LTN1: variants seen among roughly 807,000 people sequenced by gnomAD.
LTN1 encodes the protein E3 ubiquitin-protein ligase listerin.
LTN1 carries 88 observed loss-of-function variants against 201.2 expected under a neutral mutation model. The ratio of observed to expected loss-of-function variants is 0.44; its 90% confidence interval spans 0.37 to 0.52. The LOEUF is 0.52. Ranked by LOEUF, LTN1 falls within the 20% of genes least tolerant of loss-of-function variation. LTN1 has a pLI of 0.00. For missense variants in LTN1, 1,752 were observed against 2,038.7 expected (o/e 0.86, Z 2.71); for synonymous variants, 645 against 713.5 (o/e 0.90, Z 1.53).
chr21:28,959,458 C>T lies in LTN1; in HGVS notation c.2593G>A (p.Asp865Asn). 1 of 1,611,832 alleles carries T rather than the reference C, an allele frequency of 6.2e-7. No homozygotes were observed. Among genetic ancestry groups the T allele is most frequent in the Non-Finnish European group, 8.5e-7 (1 of 1,178,566 alleles). ...AAACATTTGAGCAGTAGGCTATTAC[C>T]TGGCAAATGTGTTTTTTCTTTGCTC... Reference protein sequence around the residue: ...AQSKEKTHLPDFLICKLKNTW... With the variant: ...AQSKEKTHLPNFLICKLKNTW... The change falls in exon 13 of 30, where the codon GAT becomes AAT. Residue 865 changes from aspartate to asparagine, a missense_variant and splice_region_variant. Physicochemically the swap from Asp to Asn is conservative, Grantham distance 23. Around this residue, in one of 3 missense-constraint regions of LTN1, gnomAD observed 1,211 missense variants for 1,312.8 expected, o/e 0.92. Transcript: ENST00000361371.
chr21:28,942,313 C>A (rs1601168642), intron 24 of LTN1, among the ~76,000 whole-genome samples: 1 of 152,188 alleles, frequency 6.6e-6, no homozygotes, highest in Admixed American at 6.5e-5. Flanking sequence ...TATTTAACTT[C>A]TGCAATCAGC....
intron 6 of LTN1, among the ~76,000 whole-genome samples, chr21:28,975,990 T>C (rs1568854635): frequency 6.6e-6 from 1 of 152,170 alleles, no homozygotes; most frequent in Non-Finnish European, 1.5e-5. Flanking sequence ...TAGAGAGTAA[T>C]GCCTAGCTCC....
rs372568828 is a variant in LTN1 at position 28,946,449 on chromosome 21, C to T, written c.3488-162G>A. Among the ~76,000 whole-genome samples, 28 of 152,242 alleles carry T rather than the reference C, an allele frequency of 1.8e-4. 1 individual carries two copies. The East Asian group carries it at 5.4e-3, about 29-fold the overall frequency. ...AAGAGTCAACAAATGAGCTTATAAG[C>T]TCCAAAGGGCAGAGACCCTGTCTCC... On this transcript the variant is annotated intron_variant, in intron 19 of 29. Transcript: ENST00000361371.
At chr21:28,948,131 C>G (rs9977325) in intron 18 of LTN1, among the ~76,000 whole-genome samples, 124,456 of 124,456 alleles carry the variant, frequency 1, 62,228 homozygotes, top group Non-Finnish European at 1. Flanking sequence ...GGCAAAGGTT[C>G]CAGTAGCTTG....
intron 25 of LTN1, among the ~76,000 whole-genome samples, chr21:28,940,666 G>C (rs964825329): frequency 1.3e-5 from 2 of 151,978 alleles, no homozygotes; most frequent in African/African-American, 4.8e-5. Flanking sequence ...TGAAATAAAA[G>C]AACCTGGTGA....
intron 16 of LTN1, 70 bp from the exon 17 acceptor site, chr21:28,953,446 T>A: frequency 8.6e-7 from 1 of 1,159,818 alleles, no homozygotes; most frequent in South Asian, 1.6e-5. Context: ...CTTTCACTTC[T>A]CCACCTTGTT....
chr21:28,954,961 C>T (rs1462680624), intron 16 of LTN1, among the ~76,000 whole-genome samples: 7 of 152,124 alleles, frequency 4.6e-5, no homozygotes, highest in Non-Finnish European at 1.0e-4. Flanking sequence ...GCTTTCTGCA[C>T]AGCAAAAGAA....
Position 28,958,636 on chromosome 21 carries a change from T to A in LTN1, c.2594-97A>T, listed in dbSNP as rs929297570. On this transcript the variant is annotated intron_variant, in intron 13 of 29. Coordinates refer to ENST00000361371, the MANE Select transcript of LTN1 (RefSeq NM_015565.3). ...CAACTCTACAGATCTGAGATTTTTT[T>A]AAATACCATTTAAAAAAGAAAAATT... is the stretch of plus-strand genomic sequence containing the variant. The A allele has an allele frequency of 5.4e-5, 48 of 884,038 alleles. 1 individual carries two copies. Among genetic ancestry groups the A allele is most frequent in the Middle Eastern group, 3.1e-4 (1 of 3,266 alleles). The allele number at this position is 884,038 out of a possible 1,614,324, so 54.8% of individuals were successfully genotyped here.
chr21:28,943,222 A>G, intron 24 of LTN1, 40 bp downstream of exon 24: 3 of 1,253,196 alleles, frequency 2.4e-6, no homozygotes, highest in East Asian at 4.8e-5. Context: ...GAGATGGATT[A>G]TAAGAATTTA....
At chr21:28,965,169 T>C (rs986150933) in intron 11 of LTN1, among the ~76,000 whole-genome samples, 1 of 151,954 alleles carries the variant, frequency 6.6e-6, no homozygotes, top group South Asian at 2.1e-4. Context: ...ATTTAAAAAA[T>C]AGAAAAAAAC....
At chr21:28,948,665 T>C (rs2084360465) in intron 18 of LTN1, among the ~76,000 whole-genome samples, 1 of 152,184 alleles carries the variant, frequency 6.6e-6, no homozygotes, top group Non-Finnish European at 1.5e-5. Flanking sequence ...ACCACTTACA[T>C]ATACTTTCTG....
rs113145047 is a variant in LTN1 at position 28,986,360 on chromosome 21, T to C, written c.247-123A>G. On this transcript the variant is annotated intron_variant, in intron 2 of 29. Coordinates refer to ENST00000361371, the MANE Select transcript of LTN1 (RefSeq NM_015565.3). This position sits in a 1 kb window ranked among gnomAD's most constrained non-coding sequence, Gnocchi z 4.1. The stretch of plus-strand genomic sequence containing the variant: ...GAATACACTATTTCTCTTTATGCCA[T>C]ATGAGACTAGTTTGAAGAGCTCTTT... 4.2e-6 allele frequency: 3 copies of C among 709,794 alleles called. No individual in the cohort carries two copies. The highest frequency in any genetic ancestry group is 2.7e-5 in the East Asian group (1 of 36,950). 44.0% of individuals were successfully genotyped at this position (709,794 alleles called of 1,614,324 possible).
intron 18 of LTN1, among the ~76,000 whole-genome samples, chr21:28,950,011 A>G (rs2084370003): frequency 6.6e-6 from 1 of 152,140 alleles, no homozygotes; most frequent in African/African-American, 2.4e-5. Context: ...ATTCAATAAT[A>G]TATGTTATAT....
chr21:28,960,450 A>T, intron 12 of LTN1, 67 bp downstream of exon 12: 1 of 1,285,504 alleles, frequency 7.8e-7, no homozygotes, highest in Non-Finnish European at 1.1e-6. Context: ...GCTGAGCCCC[A>T]TGCAATCCCC....
intron 25 of LTN1, among the ~76,000 whole-genome samples, chr21:28,939,649 G>A (rs1017984327): frequency 2.6e-5 from 4 of 152,054 alleles, no homozygotes; most frequent in Admixed American, 6.6e-5. Flanking sequence ...AAATGCTGCC[G>A]TATAATTTTG....
At chr21:28,963,912 G>A (rs1203355999) in intron 11 of LTN1, among the ~76,000 whole-genome samples, 1 of 152,200 alleles carries the variant, frequency 6.6e-6, no homozygotes, top group African/African-American at 2.4e-5. Flanking sequence ...AACTGCAGAT[G>A]TGGAGGAAAG....
chr21:28,953,454 G>T, intron 16 of LTN1, 78 bp from the exon 17 acceptor site: 1 of 1,056,918 alleles, frequency 9.5e-7, no homozygotes, highest in Non-Finnish European at 1.4e-6. Context: ...TCTCCACCTT[G>T]TTTTCTAACA....
intron 6 of LTN1, among the ~76,000 whole-genome samples, chr21:28,972,323 C>T (rs2084581522): frequency 6.6e-6 from 1 of 152,186 alleles, no homozygotes; most frequent in East Asian, 1.9e-4. Context: ...TACAGTTTAT[C>T]CCTTGGTACC....
Position 28,966,408 on chromosome 21 carries a change from C to A in LTN1, c.2083G>T (p.Asp695Tyr). The change falls in exon 10 of 30, where the codon GAT (aspartate) becomes TAT (tyrosine). Residue 695 changes from aspartate (D) to tyrosine (Y), a missense_variant. Around this residue, in one of 3 missense-constraint regions of LTN1, gnomAD observed 1,211 missense variants for 1,312.8 expected, o/e 0.92. Transcript: ENST00000361371. ...TCCAAGACTTTTTTTCTTTCCATATCATTGTCACAGCACCGGAGAGCACTG... is the reference window on the plus strand; with the variant it reads ...TCCAAGACTTTTTTTCTTTCCATATAATTGTCACAGCACCGGAGAGCACTG... ...LYSALRCCDN[D>Y]MERKKVLDDL... 6.2e-7 allele frequency: 1 copy of A among 1,611,282 alleles called. No homozygotes were observed. The highest frequency in any genetic ancestry group is 8.5e-7 in the Non-Finnish European group (1 of 1,179,334).
Sources: allele counts gnomAD v4.1 joint callset (sites outside exome capture counted in the v4.1 genomes callset), GRCh38; gene constraint gnomAD v4.1.1; regional missense constraint gnomAD v4.1.1; non-coding constraint Gnocchi (gnomAD v3.1); transcripts MANE v1.5; gene names NCBI Gene and HGNC (gene_info 2026-07-23, HGNC 2026-07-21).